The following NCKAP5 variants were observed in gnomAD, a reference collection of about 807,000 sequenced individuals.
NCKAP5 encodes the protein NCK associated protein 5.
NCKAP5 carries 92 observed loss-of-function variants against 167.0 expected under a neutral mutation model. The observed-to-expected ratio is 0.55, with a 90% CI of 0.47 to 0.66. NCKAP5 has a LOEUF of 0.66. NCKAP5 is among the 30% of genes least tolerant of loss of function. The pLI is 0.00. For synonymous variants in NCKAP5, 891 were observed against 877.4 expected (o/e 1.02, Z -0.27); for missense variants, 2,378 against 2,315.0 (o/e 1.03, Z -0.56).
At position 133,392,817 on chromosome 2, in the gene NCKAP5, A is replaced by T. The variant is rs541974202; in HGVS notation, c.70-89707T>A. 2.0e-5 allele frequency among the ~76,000 whole-genome samples: 3 copies of T among 152,348 alleles called. No homozygotes were observed. The South Asian group carries it at 6.2e-4, about 32-fold the overall frequency. On this transcript the variant is annotated intron_variant, in intron 3 of 19. Coordinates refer to ENST00000409261, the MANE Select transcript of NCKAP5 (RefSeq NM_207363.3). The stretch of plus-strand genomic sequence containing the variant: ...TACAAACAAGGCAATTTAATTCAGC[A>T]TTGGGAGTATCTAGCTAACTGTAAT...
chr2:133,459,038 C>T (rs1414374261), intron 3 of NCKAP5, among the ~76,000 whole-genome samples: 1 of 152,138 alleles, frequency 6.6e-6, no homozygotes, highest in African/African-American at 2.4e-5. Flanking sequence ...GGACCTTCCT[C>T]GGCTTTACCT....
At chr2:133,043,540 A>C (rs2079285725) in intron 6 of NCKAP5, among the ~76,000 whole-genome samples, 1 of 152,214 alleles carries the variant, frequency 6.6e-6, no homozygotes, top group African/African-American at 2.4e-5. Context: ...TTGCAAAAAA[A>C]ACTCATTATG....
intron 8 of NCKAP5, among the ~76,000 whole-genome samples, chr2:132,926,945 G>C (rs1898564): frequency 0.37 from 56,478 of 151,972 alleles, 14,630 homozygotes; most frequent in African/African-American, 0.71. Context: ...AATTATTTGA[G>C]TAGACCAATG....
chr2:133,165,079 G>C (rs1487029686), intron 5 of NCKAP5, among the ~76,000 whole-genome samples: 1 of 121,888 alleles, frequency 8.2e-6, no homozygotes, highest in African/African-American at 3.1e-5. Flanking sequence ...GTCACAGCTG[G>C]GGATGGGAGG....
intron 8 of NCKAP5, among the ~76,000 whole-genome samples, chr2:132,900,120 A>G (rs1003737695): frequency 1.3e-5 from 2 of 152,180 alleles, no homozygotes; most frequent in African/African-American, 4.8e-5. Flanking sequence ...GGTGTGCTTC[A>G]TGGTGCCCCA....
intron 6 of NCKAP5, among the ~76,000 whole-genome samples, chr2:133,044,275 T>C (rs1443169477): frequency 2.6e-5 from 4 of 152,082 alleles, no homozygotes; most frequent in Non-Finnish European, 5.9e-5. Flanking sequence ...ATTCTGTTCA[T>C]CGAAAGACGC....
At chr2:132,966,225 G>A (rs1430973803) in intron 7 of NCKAP5, among the ~76,000 whole-genome samples, 2 of 152,050 alleles carry the variant, frequency 1.3e-5, no homozygotes, top group African/African-American at 4.8e-5. Context: ...TCAGCCTCCT[G>A]AGTAGCTGGG....
intron 1 of NCKAP5, among the ~76,000 whole-genome samples, chr2:133,563,993 G>T (rs1373656327): frequency 1.3e-5 from 2 of 152,156 alleles, no homozygotes; most frequent in South Asian, 2.1e-4. Context: ...AATTATCTGG[G>T]TGTGGTGGCA....
intron 3 of NCKAP5, among the ~76,000 whole-genome samples, chr2:133,403,298 T>C (rs562283588): frequency 1.3e-4 from 20 of 152,348 alleles, no homozygotes; most frequent in East Asian, 9.6e-4. Flanking sequence ...TTAGTGACAA[T>C]TGGCATTGCC....
At chr2:133,136,483 G>A (rs2082791032) in intron 5 of NCKAP5, among the ~76,000 whole-genome samples, 1 of 152,190 alleles carries the variant, frequency 6.6e-6, no homozygotes, top group Admixed American at 6.5e-5. Context: ...CTGCCTCGTT[G>A]AGTGTCATGA....
intron 2 of NCKAP5, among the ~76,000 whole-genome samples, chr2:133,528,166 T>C (rs1685075938): frequency 6.6e-6 from 1 of 152,142 alleles, no homozygotes; most frequent in South Asian, 2.1e-4. Context: ...CACACATATA[T>C]GTGTGTATAC....
chr2:132,919,724 G>A (rs1194690735), intron 8 of NCKAP5, among the ~76,000 whole-genome samples: 1 of 151,814 alleles, frequency 6.6e-6, no homozygotes, highest in Admixed American at 6.6e-5. Flanking sequence ...AAAATGAGAA[G>A]GAATAAAGAA....
intron 2 of NCKAP5, among the ~76,000 whole-genome samples, chr2:133,542,212 TAC>T (rs1489624392): frequency 6.6e-6 from 1 of 152,150 alleles, no homozygotes; most frequent in Non-Finnish European, 1.5e-5. Context: ...TCTATGACAA[TAC>T]AGTTACAAAA....
chr2:133,276,077 G>T (rs2089717384), intron 4 of NCKAP5, among the ~76,000 whole-genome samples: 1 of 151,908 alleles, frequency 6.6e-6, no homozygotes, highest in Non-Finnish European at 1.5e-5. Context: ...TTACTGTGAA[G>T]ACGAAGAGGA....
chr2:132,836,091 T>G (rs1019447707), intron 11 of NCKAP5, among the ~76,000 whole-genome samples: 2 of 152,308 alleles, frequency 1.3e-5, no homozygotes, highest in African/African-American at 4.8e-5. Flanking sequence ...GATTTAAATC[T>G]AGGTAGTTGT....
At chr2:133,457,008 T>C (rs1176052054) in intron 3 of NCKAP5, among the ~76,000 whole-genome samples, 1 of 152,142 alleles carries the variant, frequency 6.6e-6, no homozygotes, top group Non-Finnish European at 1.5e-5. Flanking sequence ...GCTTCATCTC[T>C]AATGTGCAGC....
intron 4 of NCKAP5, among the ~76,000 whole-genome samples, chr2:133,270,242 T>C (rs529156215): frequency 1.3e-5 from 2 of 152,340 alleles, no homozygotes; most frequent in African/African-American, 2.4e-5. Context: ...GTTGCAAAAC[T>C]ATATTTTGTT....
chr2:133,617,829 A>T, the NCKAP5 span, among the ~76,000 whole-genome samples: 2 of 150,808 alleles, frequency 1.3e-5, no homozygotes, highest in African/African-American at 2.4e-5. Context: ...GAACCAAAAA[A>T]GAGCCCGCAT....
At chr2:133,283,770 C>T (rs537702723) in intron 4 of NCKAP5, among the ~76,000 whole-genome samples, 22 of 152,092 alleles carry the variant, frequency 1.4e-4, no homozygotes, top group African/African-American at 5.3e-4. Flanking sequence ...GCCACCATGC[C>T]CAGCTAATTT....
Sources: gnomAD v4.1 joint callset for allele counts (sites outside exome capture counted in the v4.1 genomes callset) on GRCh38, gnomAD v4.1.1 for gene constraint, MANE v1.5 for transcripts, NCBI Gene and HGNC (gene_info 2026-07-23, HGNC 2026-07-21) for gene names.